ELOVL6: variants seen among roughly 807,000 people sequenced by gnomAD.
The protein encoded by ELOVL6 is very long chain fatty acid elongase 6.
Under a neutral mutation model 31.7 loss-of-function variants are expected in ELOVL6, and 8 were observed. That is an observed-to-expected ratio of 0.25 (90% CI 0.15 to 0.45). The LOEUF (loss-of-function observed/expected upper bound fraction) is 0.45, where lower values mean the gene tolerates loss of function less well. ELOVL6 is among the 20% of genes least tolerant of loss of function. ELOVL6 has a pLI of 1.00. For missense variants in ELOVL6, 126 were observed against 326.4 expected, an observed-to-expected ratio of 0.39 and a Z score of 4.73; for synonymous variants, 101 against 117.7, an observed-to-expected ratio of 0.86 and a Z score of 0.92.
At chr4:110,055,368 A>AAG (rs1578441497) in intron 3 of ELOVL6, among the ~76,000 whole-genome samples, 2 of 152,152 alleles carry the variant, frequency 1.3e-5, no homozygotes, top group East Asian at 3.9e-4. Context: ...GCATAACGGG[A>AAG]AGGACATTGG....
At chr4:110,090,087 G>A (rs930863421) in intron 2 of ELOVL6, among the ~76,000 whole-genome samples, 7 of 152,226 alleles carry the variant, frequency 4.6e-5, no homozygotes, top group African/African-American at 1.7e-4. Flanking sequence ...AGTCTTGAAA[G>A]TTAGATAAGA....
chr4:110,155,837 T>C (rs1247409186), intron 1 of ELOVL6, among the ~76,000 whole-genome samples: 1 of 152,168 alleles, frequency 6.6e-6, no homozygotes. Context: ...CTTCCACAGA[T>C]GTCAAGGCCT....
chr4:110,090,888 C>A (rs976504746), intron 2 of ELOVL6, among the ~76,000 whole-genome samples: 10 of 152,136 alleles, frequency 6.6e-5, no homozygotes, highest in Non-Finnish European at 1.0e-4. Context: ...CAGGCGTGAG[C>A]CACCACTCCT....
intron 2 of ELOVL6, among the ~76,000 whole-genome samples, chr4:110,090,029 C>CT (rs1284474635): frequency 1.3e-5 from 2 of 152,110 alleles, no homozygotes; most frequent in Non-Finnish European, 2.9e-5. Context: ...CTCTCTGAGC[C>CT]TAGGTTTTCT....
intron 2 of ELOVL6, among the ~76,000 whole-genome samples, chr4:110,061,771 C>T (rs893472616): frequency 5.9e-5 from 9 of 151,524 alleles, no homozygotes; most frequent in African/African-American, 1.7e-4. Flanking sequence ...TTGGCCAGGC[C>T]GGTCTCAAAC....
At chr4:110,117,520 A>G (rs1457200516) in intron 1 of ELOVL6, among the ~76,000 whole-genome samples, 1 of 152,090 alleles carries the variant, frequency 6.6e-6, no homozygotes, top group African/African-American at 2.4e-5. Context: ...TCACTGTTCT[A>G]GAATTAGGTT....
At chr4:110,188,942 C>T (rs1759526306) in intron 1 of ELOVL6, among the ~76,000 whole-genome samples, 1 of 150,938 alleles carries the variant, frequency 6.6e-6, no homozygotes, top group Non-Finnish European at 1.5e-5. Context: ...AATCAGGTAA[C>T]CATGTATTAA....
intron 1 of ELOVL6, among the ~76,000 whole-genome samples, chr4:110,135,647 G>A (rs1757790566): frequency 6.6e-6 from 1 of 152,136 alleles, no homozygotes; most frequent in Admixed American, 6.6e-5. Flanking sequence ...CAGACGAACT[G>A]CAAGCAAGCA....
At chr4:110,158,821 C>T (rs924137927) in intron 1 of ELOVL6, among the ~76,000 whole-genome samples, 2 of 151,426 alleles carry the variant, frequency 1.3e-5, no homozygotes, top group African/African-American at 2.4e-5. Context: ...CCACTATGCC[C>T]GGCTAATTTC....
intron 1 of ELOVL6, among the ~76,000 whole-genome samples, chr4:110,156,120 G>A (rs909365659): frequency 1.3e-5 from 2 of 152,180 alleles, no homozygotes; most frequent in African/African-American, 4.8e-5. Context: ...CAAGAAAACT[G>A]GAGGCTGCAC....
At chr4:110,119,064 A>G (rs1397503512) in intron 1 of ELOVL6, among the ~76,000 whole-genome samples, 1 of 152,212 alleles carries the variant, frequency 6.6e-6, no homozygotes, top group African/African-American at 2.4e-5. Flanking sequence ...TTTCAAACAA[A>G]TTAATTAATT....
At chr4:110,142,288 A>G (rs1212745117) in intron 1 of ELOVL6, among the ~76,000 whole-genome samples, 1 of 151,852 alleles carries the variant, frequency 6.6e-6, no homozygotes, top group Non-Finnish European at 1.5e-5. Flanking sequence ...CTCATGATCC[A>G]TCCGCCTTGG....
chr4:110,176,367 TG>T (rs1183613536), intron 1 of ELOVL6, among the ~76,000 whole-genome samples: 1 of 152,140 alleles, frequency 6.6e-6, no homozygotes, highest in Admixed American at 6.6e-5. Context: ...TTCACCATGT[TG>T]GCAGGCTGGT....
At chr4:110,187,472 G>A (rs1361651145) in intron 1 of ELOVL6, among the ~76,000 whole-genome samples, 1 of 151,656 alleles carries the variant, frequency 6.6e-6, no homozygotes, top group Non-Finnish European at 1.5e-5. Context: ...TGCTTGGGAG[G>A]CCGAGGCAGG....
chr4:110,186,822 A>AAAAATAT (rs1553963193), intron 1 of ELOVL6, among the ~76,000 whole-genome samples: 2 of 59,416 alleles, frequency 3.4e-5, no homozygotes, highest in African/African-American at 1.3e-4. Context: ...AAAAAAAAAA[A>AAAAATAT]ATATATATAT....
chr4:110,182,820 A>C (rs1759327650), intron 1 of ELOVL6, among the ~76,000 whole-genome samples: 1 of 152,184 alleles, frequency 6.6e-6, no homozygotes, highest in East Asian at 1.9e-4. Flanking sequence ...AGGCAGGAGA[A>C]TCACTTGAAC....
intron 1 of ELOVL6, among the ~76,000 whole-genome samples, chr4:110,190,155 G>A (rs1759571637): frequency 6.6e-6 from 1 of 151,858 alleles, no homozygotes; most frequent in African/African-American, 2.4e-5. Flanking sequence ...AAAACTATGA[G>A]TGATTTTCTA....
chr4:110,118,453 C>T (rs1439724671), intron 1 of ELOVL6, among the ~76,000 whole-genome samples: 1 of 152,160 alleles, frequency 6.6e-6, no homozygotes, highest in African/African-American at 2.4e-5. Context: ...TACCACTATT[C>T]TACTCTGTTT....
At chr4:110,124,629 T>C (rs1757445411) in intron 1 of ELOVL6, among the ~76,000 whole-genome samples, 1 of 151,870 alleles carries the variant, frequency 6.6e-6, no homozygotes, top group African/African-American at 2.4e-5. Context: ...AGGTGATGGG[T>C]TGAAAGGTGC....
Sources: allele counts gnomAD v4.1 joint callset (sites outside exome capture counted in the v4.1 genomes callset), GRCh38; gene constraint gnomAD v4.1.1; transcripts MANE v1.5; gene names NCBI Gene and HGNC (gene_info 2026-07-23, HGNC 2026-07-21).